Variants in OPCML observed in about 807,000 individuals in gnomAD.
OPCML encodes opioid binding protein/cell adhesion molecule like.
A neutral mutation model predicts 37.8 loss-of-function variants in OPCML; 13 were observed. The observed-to-expected ratio is 0.34, with a 90% CI of 0.22 to 0.55. The LOEUF is 0.55. OPCML is among the 20% of genes least tolerant of loss of function. The pLI is 0.91. For missense variants in OPCML, 341 were observed against 435.6 expected (o/e 0.78, Z 1.93); for synonymous variants, 176 against 168.8 (o/e 1.04, Z -0.33).
intron 2 of OPCML, among the ~76,000 whole-genome samples, chr11:132,661,052 G>A (rs1941954080): frequency 6.6e-6 from 1 of 152,082 alleles, no homozygotes; most frequent in Non-Finnish European, 1.5e-5. Flanking sequence ...TTGAGTAAGG[G>A]TGGACTTTGA....
At chr11:132,470,037 A>ATGTT (rs2136954941) in intron 4 of OPCML, among the ~76,000 whole-genome samples, 1 of 152,090 alleles carries the variant, frequency 6.6e-6, no homozygotes, top group East Asian at 1.9e-4. Context: ...CCTGCAAGAG[A>ATGTT]TGTTTGAATT....
chr11:133,386,052 C>T (rs766285773), intron 1 of OPCML, among the ~76,000 whole-genome samples: 4 of 152,092 alleles, frequency 2.6e-5, no homozygotes, highest in African/African-American at 4.8e-5. Context: ...CCCATTAGAG[C>T]GGGAGAGGGG....
chr11:132,528,913 G>A (rs1204515695), intron 4 of OPCML, 148 bp downstream of exon 4: 2 of 521,436 alleles, frequency 3.8e-6, no homozygotes, highest in African/African-American at 1.9e-5. Flanking sequence ...CTTTTGAAAT[G>A]AAATAGCCAG....
chr11:133,157,910 GC>G (rs922288658), intron 1 of OPCML, among the ~76,000 whole-genome samples: 2 of 152,170 alleles, frequency 1.3e-5, no homozygotes, highest in Non-Finnish European at 2.9e-5. Context: ...CATTCTGCTT[GC>G]CCCGGGGGGC....
At chr11:132,652,839 C>T (rs1449540491) in intron 3 of OPCML, among the ~76,000 whole-genome samples, 2 of 152,204 alleles carry the variant, frequency 1.3e-5, no homozygotes, top group Admixed American at 6.5e-5. Flanking sequence ...CAGGAAGATG[C>T]TTTATGATCG....
chr11:133,261,499 C>T (rs1941495027), intron 1 of OPCML, among the ~76,000 whole-genome samples: 1 of 151,888 alleles, frequency 6.6e-6, no homozygotes, highest in Non-Finnish European at 1.5e-5. Flanking sequence ...CGGCTCTCTT[C>T]ACTGCTGCTC....
At chr11:133,428,152 TA>T (rs1340483564) in intron 1 of OPCML, among the ~76,000 whole-genome samples, 2 of 152,196 alleles carry the variant, frequency 1.3e-5, no homozygotes, top group African/African-American at 4.8e-5. Flanking sequence ...GAAAATCTAT[TA>T]ATCAAATTAA....
intron 1 of OPCML, among the ~76,000 whole-genome samples, chr11:133,158,889 G>A (rs914547665): frequency 3.3e-5 from 5 of 151,994 alleles, no homozygotes; most frequent in South Asian, 2.1e-4. Context: ...TACCACCAGC[G>A]AGGGCAGAAA....
chr11:132,845,396 G>A (rs1416230690), intron 2 of OPCML, among the ~76,000 whole-genome samples: 2 of 152,144 alleles, frequency 1.3e-5, no homozygotes, highest in Admixed American at 6.6e-5. Flanking sequence ...ATAGAACAAA[G>A]CACCACATTT....
chr11:133,015,455 T>TGAAG (rs1228955578), intron 1 of OPCML, among the ~76,000 whole-genome samples: 80 of 65,990 alleles, frequency 1.2e-3, no homozygotes, highest in African/African-American at 3.5e-3. Flanking sequence ...AAGGAAGGAA[T>TGAAG]GAAGGAAGGA....
intron 1 of OPCML, among the ~76,000 whole-genome samples, chr11:133,084,417 A>G (rs1046704398): frequency 6.6e-6 from 1 of 152,248 alleles, no homozygotes; most frequent in Non-Finnish European, 1.5e-5. Context: ...TTTCCCAGAA[A>G]GAGGTGTTAA....
intron 3 of OPCML, among the ~76,000 whole-genome samples, chr11:132,554,872 T>TG (rs1313732153): frequency 7.6e-6 from 1 of 131,184 alleles, no homozygotes; most frequent in East Asian, 2.4e-4. Flanking sequence ...AGTTTTTTTT[T>TG]TTTTTTTTTT....
At chr11:133,068,216 T>C (rs1046073714) in intron 1 of OPCML, 2 of 152,220 alleles carry the variant, frequency 1.3e-5, no homozygotes, top group Non-Finnish European at 2.9e-5. Context: ...CCTTCTGAAG[T>C]AGAATCCCAG....
chr11:132,789,962 T>C (rs921913245), intron 2 of OPCML, among the ~76,000 whole-genome samples: 1 of 152,176 alleles, frequency 6.6e-6, no homozygotes, highest in African/African-American at 2.4e-5. Flanking sequence ...TCCTAAGATA[T>C]CTCGAACAAC....
chr11:132,779,828 T>C (rs1242068744), intron 2 of OPCML, among the ~76,000 whole-genome samples: 1 of 152,242 alleles, frequency 6.6e-6, no homozygotes, highest in African/African-American at 2.4e-5. Flanking sequence ...AGATTAAGAT[T>C]TGTTTAATGG....
chr11:132,717,557 G>A (rs186582855), intron 2 of OPCML, among the ~76,000 whole-genome samples: 15 of 152,132 alleles, frequency 9.9e-5, no homozygotes, highest in African/African-American at 3.6e-4. Context: ...TGGGTGGTGG[G>A]ATTATTAGAA....
At chr11:132,675,515 T>G (rs1442030049) in intron 2 of OPCML, among the ~76,000 whole-genome samples, 1 of 152,014 alleles carries the variant, frequency 6.6e-6, no homozygotes, top group Non-Finnish European at 1.5e-5. Flanking sequence ...GCGAATGAAA[T>G]ATCTTACATA....
At chr11:132,723,666 T>G (rs1196045787) in intron 2 of OPCML, among the ~76,000 whole-genome samples, 2 of 152,278 alleles carry the variant, frequency 1.3e-5, no homozygotes, top group Middle Eastern at 3.2e-3. Context: ...TTTCTCTTTC[T>G]CATTGCCCAC....
intron 2 of OPCML, among the ~76,000 whole-genome samples, chr11:132,888,585 C>T (rs898703795): frequency 3.3e-5 from 5 of 152,112 alleles, no homozygotes; most frequent in East Asian, 1.9e-4. Flanking sequence ...TTATTTGCTT[C>T]GGAAAAAGCT....
Sources: allele counts gnomAD v4.1 joint callset (sites outside exome capture counted in the v4.1 genomes callset), GRCh38; gene constraint gnomAD v4.1.1; transcripts MANE v1.5; gene names NCBI Gene and HGNC (gene_info 2026-07-23, HGNC 2026-07-21).